RAP1GAP2: variants seen among roughly 807,000 people sequenced by gnomAD.
RAP1GAP2 encodes rap1 GTPase-activating protein 2.
In RAP1GAP2, 27 loss-of-function variants were observed where a neutral mutation model predicts 95.0. The observed-to-expected ratio is 0.28, with a 90% confidence interval of 0.21 to 0.39. The LOEUF is 0.39. Ranked by LOEUF, RAP1GAP2 falls within the 10% of genes least tolerant of loss-of-function variation. RAP1GAP2 has a pLI of 1.00. For synonymous variants in RAP1GAP2, 373 were observed against 380.9 expected, an observed-to-expected ratio of 0.98 and a Z score of 0.24; for missense variants, 771 against 970.0, an observed-to-expected ratio of 0.79 and a Z score of 2.72.
Position 3,005,347 on chromosome 17 carries a change from A to G in RAP1GAP2, c.1201-22A>G, listed in dbSNP as rs1229313532. ...GCTCGTCTCTTCCCTCCAGGTCCGT[A>G]CCATGACTCTGTTTCACTCAGGTCT... On this transcript the variant is annotated intron_variant, in intron 14 of 24. Coordinates refer to ENST00000254695, the MANE Select transcript of RAP1GAP2 (RefSeq NM_015085.5). This position sits in a 1 kb window ranked among gnomAD's most constrained non-coding sequence, Gnocchi z 5.2. 1 of 1,610,920 alleles carries G rather than the reference A, an allele frequency of 6.2e-7. No individual in the cohort carries two copies. Among genetic ancestry groups the G allele is most frequent in the Admixed American group, 1.7e-5 (1 of 60,020 alleles).
chr17:3,030,902 A>G lies in RAP1GAP2; in HGVS notation c.2108-20A>G. The G allele has an allele frequency of 1.3e-6, 2 of 1,596,022 alleles. No homozygotes were observed. Among genetic ancestry groups the G allele is most frequent in the East Asian group, 4.5e-5 (2 of 44,344 alleles). Reference sequence around the variant, plus strand: ...GCCTCCACAGCTCCACCCTCCTTTCATGGCCGTTCTTTTTCTTAGATGCCA... The same window carrying G: ...GCCTCCACAGCTCCACCCTCCTTTCGTGGCCGTTCTTTTTCTTAGATGCCA... On this transcript the variant is annotated intron_variant, in intron 22 of 24. Transcript: ENST00000254695.
In RAP1GAP2 at chr17:2,889,889, A is replaced by ATACATATTT. The variant is rs1408426152; in HGVS notation, c.81-15394_81-15393insACATATTTT. Among the ~76,000 whole-genome samples, 35 of 57,318 alleles carry ATACATATTT rather than the reference A, an allele frequency of 6.1e-4. 1 individual carries two copies. The highest frequency in any genetic ancestry group is 8.3e-4 in the Non-Finnish European group (27 of 32,546). 37.6% of individuals were successfully genotyped at this position (57,318 alleles called of 152,430 possible). On this transcript the variant is annotated intron_variant, in intron 2 of 24. Transcript: ENST00000254695. ...TATATATATATATATATATATATAT[A>ATACATATTT]TTTTTTTTTTTTTTTGTAGAGATGG...
intron 3 of RAP1GAP2, among the ~76,000 whole-genome samples, chr17:2,940,744 C>T (rs904972129): frequency 8.5e-5 from 13 of 152,208 alleles, no homozygotes; most frequent in African/African-American, 3.1e-4. Context: ...GGGGCCCACG[C>T]GGACTTGGCC....
chr17:2,801,442 TCCAG>T (rs2069288332), intron 2 of RAP1GAP2, among the ~76,000 whole-genome samples: 1 of 146,126 alleles, frequency 6.8e-6, no homozygotes, highest in South Asian at 2.2e-4. Context: ...ACCATTGCAC[TCCAG>T]CCTGGGGGAC....
intron 3 of RAP1GAP2, among the ~76,000 whole-genome samples, chr17:2,912,312 G>A (rs1226285247): frequency 1.3e-5 from 2 of 152,132 alleles, no homozygotes; most frequent in East Asian, 3.9e-4. Flanking sequence ...GGTGTGTGGG[G>A]GCTTCTGTTC....
rs373600753 is a variant in RAP1GAP2, at chr17:2,896,219, A to G, written c.81-9065A>G. ...TTTCAGGTGGGTGTGCCGTGCCTGC[A>G]GGATGGTTTTCTGCATTTTGCCCGG... On this transcript the variant is annotated intron_variant, in intron 2 of 24. Transcript: ENST00000254695. Among the ~76,000 whole-genome samples the G allele has an allele frequency of 7.9e-5, 12 of 152,272 alleles. No homozygotes were observed. The East Asian group carries it at 1.5e-3, about 20-fold the overall frequency.
intron 3 of RAP1GAP2, among the ~76,000 whole-genome samples, chr17:2,907,849 C>T (rs1012318860): frequency 1.3e-5 from 2 of 152,104 alleles, no homozygotes; most frequent in Non-Finnish European, 2.9e-5. Flanking sequence ...GCTCTGTCGC[C>T]GAGCCAGAGT....
intron 12 of RAP1GAP2, among the ~76,000 whole-genome samples, chr17:2,993,312 G>A (rs1385926000): frequency 2.0e-5 from 3 of 151,806 alleles, no homozygotes; most frequent in South Asian, 2.1e-4. Flanking sequence ...GGTGGCTCAC[G>A]CCTATAACCC....
intron 2 of RAP1GAP2, among the ~76,000 whole-genome samples, chr17:2,810,666 G>A (rs777508329): frequency 2.0e-4 from 31 of 151,746 alleles, no homozygotes; most frequent in Non-Finnish European, 4.1e-4. Flanking sequence ...GAGTAGCTGG[G>A]ATTACAGGCA....
chr17:2,758,181 C>CCCCT (rs1555537910), intron 1 of RAP1GAP2, among the ~76,000 whole-genome samples: 62 of 124,168 alleles, frequency 5.0e-4, no homozygotes, highest in East Asian at 1.8e-3. Context: ...GCCCCCCCCC[C>CCCCT]TTTTTTTTTT....
At chr17:2,949,859 CT>C (rs1418655300) in intron 3 of RAP1GAP2, among the ~76,000 whole-genome samples, 2 of 152,204 alleles carry the variant, frequency 1.3e-5, no homozygotes, top group Non-Finnish European at 2.9e-5. Context: ...CAGCAAGTCG[CT>C]GAGAAGTGGG....
chr17:2,999,754 C>T (rs2151590015), intron 14 of RAP1GAP2, among the ~76,000 whole-genome samples: 1 of 151,414 alleles, frequency 6.6e-6, no homozygotes, highest in South Asian at 2.1e-4. Context: ...CAAGACCAGC[C>T]TGGGCAACAT....
chr17:2,930,723 C>T (rs1597642503), intron 3 of RAP1GAP2, among the ~76,000 whole-genome samples: 1 of 152,136 alleles, frequency 6.6e-6, no homozygotes, highest in Non-Finnish European at 1.5e-5. Context: ...TCTTGTGTTA[C>T]CTTTGTGCTT....
intron 2 of RAP1GAP2, among the ~76,000 whole-genome samples, chr17:2,892,215 C>T (rs1416268530): frequency 1.3e-5 from 2 of 152,086 alleles, no homozygotes; most frequent in Admixed American, 6.6e-5. Flanking sequence ...TCTGAAATTT[C>T]CTGACAGTGT....
intron 2 of RAP1GAP2, among the ~76,000 whole-genome samples, chr17:2,771,040 C>T (rs2068380590): frequency 6.6e-6 from 1 of 151,732 alleles, no homozygotes; most frequent in Non-Finnish European, 1.5e-5. Flanking sequence ...GAGGGAGACT[C>T]TGTTTCAAAA....
At chr17:2,856,771 A>G (rs2072156422) in intron 2 of RAP1GAP2, among the ~76,000 whole-genome samples, 1 of 152,200 alleles carries the variant, frequency 6.6e-6, no homozygotes, top group South Asian at 2.1e-4. Context: ...AGAGCCTGCA[A>G]TGCAGGCAGA....
Position 2,866,627 on chromosome 17 carries a change from A to T in RAP1GAP2, c.81-38657A>T, listed in dbSNP as rs780234161. Among the ~76,000 whole-genome samples the T allele has an allele frequency of 2.0e-5, 3 of 152,002 alleles. No homozygotes were observed. Among genetic ancestry groups the T allele is most frequent in the African/African-American group, 4.8e-5 (2 of 41,388 alleles). On this transcript the variant is annotated intron_variant, in intron 2 of 24. Transcript: ENST00000254695. This position sits in a 1 kb window ranked among gnomAD's most constrained non-coding sequence, Gnocchi z 4.0. The stretch of plus-strand genomic sequence containing the variant: ...TTATTTTATTATTTTTTGAGGCAGC[A>T]TCTCCCTCTGTCGCCAGGCTGGAGT...
intron 13 of RAP1GAP2, among the ~76,000 whole-genome samples, chr17:2,996,445 G>A (rs1275404117): frequency 3.3e-5 from 5 of 152,210 alleles, no homozygotes; most frequent in Non-Finnish European, 5.9e-5. Context: ...TGGGGAGGGA[G>A]CACAGATGTA....
At chr17:2,968,126 T>C (rs1567836956) in intron 8 of RAP1GAP2, among the ~76,000 whole-genome samples, 1 of 152,236 alleles carries the variant, frequency 6.6e-6, no homozygotes, top group Non-Finnish European at 1.5e-5. Flanking sequence ...GAGAGATTTA[T>C]TAACTTTGAA....
Sources: allele counts gnomAD v4.1 joint callset (sites outside exome capture counted in the v4.1 genomes callset), GRCh38; gene constraint gnomAD v4.1.1; non-coding constraint Gnocchi (gnomAD v3.1); transcripts MANE v1.5; gene names NCBI Gene and HGNC (gene_info 2026-07-23, HGNC 2026-07-21).